Variants in PLXNC1 observed in about 807,000 individuals in gnomAD.
PLXNC1 encodes plexin-C1.
In PLXNC1, 75 loss-of-function variants were observed where a neutral mutation model predicts 178.2. The ratio of observed to expected loss-of-function variants is 0.42; its 90% CI spans 0.35 to 0.51. The LOEUF (loss-of-function observed/expected upper bound fraction) is 0.51. Ranked by LOEUF, PLXNC1 falls within the 20% of genes least tolerant of loss-of-function variation. The pLI is 0.02. For synonymous variants in PLXNC1, 790 were observed against 779.9 expected (o/e 1.01, Z -0.22); for missense variants, 1,503 against 1,984.4 (o/e 0.76, Z 4.61).
At position 94,282,420 on chromosome 12, in the gene PLXNC1, C is replaced by T. The variant is rs751677323; in HGVS notation, c.3879+19C>T. Reference sequence around the variant, plus strand: ...CTATGAGGTAAGAGCAAGACTTGACCCCGTGTCTCCTTCCTCATCCCCAAT... The same window carrying T: ...CTATGAGGTAAGAGCAAGACTTGACTCCGTGTCTCCTTCCTCATCCCCAAT... On this transcript the variant is annotated intron_variant, in intron 23 of 30. Transcript: ENST00000258526. The T allele has an allele frequency of 1.4e-6, 2 of 1,478,672 alleles. No individual in the cohort carries two copies. Among genetic ancestry groups the T allele is most frequent in the South Asian group, 2.3e-5 (2 of 87,908 alleles). 91.6% of individuals were successfully genotyped at this position (1,478,672 alleles called of 1,614,324 possible).
intron 9 of PLXNC1, among the ~76,000 whole-genome samples, chr12:94,233,298 C>T (rs1001706450): frequency 2.6e-5 from 4 of 152,100 alleles, no homozygotes; most frequent in Non-Finnish European, 5.9e-5. Flanking sequence ...ATGCATGAGT[C>T]GAATCTTGGC....
intron 4 of PLXNC1, among the ~76,000 whole-genome samples, chr12:94,196,029 T>C (rs1962901441): frequency 1.3e-5 from 2 of 152,208 alleles, no homozygotes; most frequent in Admixed American, 1.3e-4. Context: ...CCCCCAGGCC[T>C]ATCATTAACC....
chr12:94,262,586 G>A (rs1208622657), intron 20 of PLXNC1: 1 of 985,380 alleles, frequency 1.0e-6, no homozygotes, highest in African/African-American at 1.7e-5. Flanking sequence ...CTCGCCAGGA[G>A]GAAGTGGCAT....
At chr12:94,247,846 G>C (rs1964573710) in intron 12 of PLXNC1, 57 bp from the exon 13 acceptor site, 1 of 1,502,946 alleles carries the variant, frequency 6.7e-7, no homozygotes, top group African/African-American at 1.4e-5. Context: ...AGCTCTTAGA[G>C]ATCACAGCTG....
chr12:94,227,268 A>T, intron 9 of PLXNC1, 33 bp downstream of exon 9: 1 of 1,331,846 alleles, frequency 7.5e-7, no homozygotes, highest in Middle Eastern at 1.8e-4. Context: ...TTGAGGGGAA[A>T]ACCTGTCTTT....
In PLXNC1 at chr12:94,214,749, G is replaced by A. The variant is rs572783147; in HGVS notation, c.1554+5045G>A. ...AGAACTACTCAGCCATAAACTTAAA[G>A]AGCAAGGTACATATCCTGCATTAAA... On this transcript the variant is annotated intron_variant, in intron 5 of 30. Coordinates refer to ENST00000258526, the MANE Select transcript of PLXNC1 (RefSeq NM_005761.3). Among the ~76,000 whole-genome samples the A allele has an allele frequency of 1.2e-4, 19 of 152,332 alleles. No individual in the cohort carries two copies. In the East Asian group the frequency reaches 3.5e-3, roughly 28 times the overall value.
At chr12:94,161,044 A>G (rs1961363820) in intron 1 of PLXNC1, among the ~76,000 whole-genome samples, 2 of 152,210 alleles carry the variant, frequency 1.3e-5, no homozygotes, top group South Asian at 4.1e-4. Context: ...TCCATGATTA[A>G]AGGAAATGCT....
At chr12:94,298,121 C>T (rs1377088077) in intron 26 of PLXNC1, among the ~76,000 whole-genome samples, 2 of 152,318 alleles carry the variant, frequency 1.3e-5, no homozygotes, top group East Asian at 1.9e-4. Context: ...GAGGACAGCC[C>T]AAGCCTCTTG....
chr12:94,149,349 C>A lies in PLXNC1; in HGVS notation c.378C>A (p.Gly126=). 1 of 1,435,962 alleles carries A rather than the reference C, an allele frequency of 7.0e-7. No individual in the cohort carries two copies. Among genetic ancestry groups the A allele is most frequent in the Non-Finnish European group, 9.1e-7 (1 of 1,104,934 alleles). 89.0% of individuals were successfully genotyped at this position (1,435,962 alleles called of 1,614,324 possible). The change falls in exon 1 of 31, where the codon GGC becomes GGA. Residue 126 remains glycine (G), a synonymous_variant. Coordinates refer to ENST00000258526, the MANE Select transcript of PLXNC1 (RefSeq NM_005761.3). ...GCCTCGGGGGGCTGCTGCTCACCGGCTGGACCTTCGACCGGGGCGCCTGCG... is the reference window on the plus strand; with the variant it reads ...GCCTCGGGGGGCTGCTGCTCACCGGATGGACCTTCGACCGGGGCGCCTGCG... ...AAGLGGLLLT[G]WTFDRGACEV...
chr12:94,184,386 A>C (rs541748585), intron 3 of PLXNC1, among the ~76,000 whole-genome samples: 2 of 151,698 alleles, frequency 1.3e-5, no homozygotes, highest in African/African-American at 4.8e-5. Context: ...TCAGCCTCCC[A>C]AAGTGCTGGG....
chr12:94,172,387 A>G (rs951357799), intron 2 of PLXNC1, among the ~76,000 whole-genome samples: 2 of 152,236 alleles, frequency 1.3e-5, no homozygotes, highest in African/African-American at 4.8e-5. Flanking sequence ...CACCACCAGT[A>G]AAAACCTGAC....
intron 2 of PLXNC1, among the ~76,000 whole-genome samples, chr12:94,177,539 A>AAGAGAAAGAAAGAG (rs1282411586): frequency 4.6e-5 from 7 of 151,570 alleles, no homozygotes; most frequent in African/African-American, 1.5e-4. Context: ...GAAAGAAAGA[A>AAGAGAAAGAAAGAG]AGAGAGAGAA....
chr12:94,168,715 G>A (rs931320022), intron 1 of PLXNC1, among the ~76,000 whole-genome samples: 2 of 152,150 alleles, frequency 1.3e-5, no homozygotes, highest in African/African-American at 2.4e-5. Context: ...AGGATCGTCC[G>A]TGTCACATCT....
Position 94,227,144 on chromosome 12 carries a change from T to C in PLXNC1, c.1894-5T>C, listed in dbSNP as rs747120504. On this transcript the variant is annotated splice_polypyrimidine_tract_variant and splice_region_variant and intron_variant, in intron 8 of 30. Coordinates refer to ENST00000258526, the MANE Select transcript of PLXNC1 (RefSeq NM_005761.3). ...TGGATGTTGAAGGGATGTTCTCCAT[T>C]CCAGGAACAGTGTCCAGTGGCTGTC... is the stretch of plus-strand genomic sequence containing the variant. 3 of 1,597,724 alleles carry C rather than the reference T, an allele frequency of 1.9e-6. No individual in the cohort carries two copies. The South Asian group carries it at 3.3e-5, about 18-fold the overall frequency.
chr12:94,281,940 T>C (rs1422482479), intron 22 of PLXNC1: 1 of 249,578 alleles, frequency 4.0e-6, no homozygotes, highest in African/African-American at 2.3e-5. Flanking sequence ...CCTACAGAGA[T>C]GGTTCATATC....
intron 21 of PLXNC1, among the ~76,000 whole-genome samples, chr12:94,276,537 A>G (rs1019416599): frequency 1.3e-5 from 2 of 152,198 alleles, no homozygotes; most frequent in African/African-American, 2.4e-5. Flanking sequence ...TGTGGCACCA[A>G]TTGTGCAGTT....
chr12:94,154,175 T>C (rs968328228), intron 1 of PLXNC1, among the ~76,000 whole-genome samples: 1 of 152,250 alleles, frequency 6.6e-6, no homozygotes, highest in Non-Finnish European at 1.5e-5. Context: ...TTATTTTCTG[T>C]TGATTCTCAT....
intron 21 of PLXNC1, among the ~76,000 whole-genome samples, chr12:94,271,415 G>A (rs1005381063): frequency 1.3e-5 from 2 of 152,226 alleles, no homozygotes; most frequent in African/African-American, 4.8e-5. Context: ...GCCCCCTGCA[G>A]CCTTATCCTC....
intron 20 of PLXNC1, among the ~76,000 whole-genome samples, chr12:94,263,251 C>T (rs910899927): frequency 1.3e-5 from 2 of 151,428 alleles, no homozygotes; most frequent in Non-Finnish European, 2.9e-5. Flanking sequence ...GATACCCAGG[C>T]CTCATTCTTC....
Sources: allele counts gnomAD v4.1 joint callset (sites outside exome capture counted in the v4.1 genomes callset), GRCh38; gene constraint gnomAD v4.1.1; transcripts MANE v1.5; gene names NCBI Gene and HGNC (gene_info 2026-07-23, HGNC 2026-07-21).